Variants in SUCLA2 observed in about 807,000 individuals in gnomAD.
SUCLA2 encodes succinate--CoA ligase [ADP-forming] subunit beta, mitochondrial.
Under a neutral mutation model 54.8 loss-of-function variants are expected in SUCLA2, and 30 were observed. The observed-to-expected ratio is 0.55, with a 90% confidence interval of 0.41 to 0.74. The LOEUF is 0.74. Among genes scored for constraint, SUCLA2 ranks in the 30% least tolerant of loss-of-function variants. The pLI is 0.00. For synonymous variants in SUCLA2, 172 were observed against 188.9 expected (o/e 0.91, Z 0.74); for missense variants, 476 against 562.9 (o/e 0.85, Z 1.56).
intron 6 of SUCLA2, among the ~76,000 whole-genome samples, chr13:47,964,811 C>T (rs917452523): frequency 3.9e-5 from 6 of 152,032 alleles, no homozygotes; most frequent in South Asian, 4.2e-4. Context: ...GAGCTGAGAT[C>T]GTGCCACTGC....
intron 6 of SUCLA2, among the ~76,000 whole-genome samples, chr13:47,960,756 C>A (rs1224307121): frequency 6.6e-6 from 1 of 151,466 alleles, no homozygotes; most frequent in Non-Finnish European, 1.5e-5. Context: ...AGAAGTTTAT[C>A]AATGATGGGC....
chr13:47,985,946 G>A lies in SUCLA2; in HGVS notation c.534+2595C>T, dbSNP rs139506819. Among the ~76,000 whole-genome samples the A allele has an allele frequency of 2.2e-4, 33 of 151,290 alleles. 1 individual carries two copies. In the East Asian group the frequency reaches 6.0e-3, roughly 28 times the overall value. On this transcript the variant is annotated intron_variant, in intron 4 of 10. Coordinates refer to ENST00000646932, the MANE Select transcript of SUCLA2 (RefSeq NM_003850.3). ...ATAGCCACCTGAGTGGCATGAGATG[G>A]TATCTCATTGTGGTTTTGATTTGCT...
At position 47,957,729 on chromosome 13, in the gene SUCLA2, T is replaced by C. The variant is rs139080408; in HGVS notation, c.803-3172A>G. On this transcript the variant is annotated intron_variant, in intron 6 of 10. Coordinates refer to ENST00000646932, the MANE Select transcript of SUCLA2 (RefSeq NM_003850.3). ...CAGTAAGAACATTCTTGGAGGTTTT[T>C]CTGTAATTGCGTGTTGTGTCCGGGC... Among the ~76,000 whole-genome samples, 71 of 152,284 alleles carry C rather than the reference T, an allele frequency of 4.7e-4. 1 individual carries two copies. In the East Asian group the frequency reaches 0.013, roughly 27 times the overall value.
rs761272891 is a variant in SUCLA2 at position 47,996,970 on chromosome 13, T to C, written c.144A>G (p.Gln48=). 1.9e-6 allele frequency: 3 copies of C among 1,614,144 alleles called. No homozygotes were observed. In the South Asian group the frequency reaches 3.3e-5, roughly 18 times the overall value. The part of the protein sequence containing the change: ...FNNHGLQVQQ[Q]QQRNLSLHEY... ...CATGTAGTGAGAGATTCCTTTGCTGTTGCTGCTGTACTTGGAGTCCATGGT... is the reference window on the plus strand; with the variant it reads ...CATGTAGTGAGAGATTCCTTTGCTGCTGCTGCTGTACTTGGAGTCCATGGT... Residue 48 remains glutamine, a synonymous_variant, in exon 2 of 11, where the codon CAA becomes CAG. Coordinates refer to ENST00000646932, the MANE Select transcript of SUCLA2 (RefSeq NM_003850.3).
rs1200717178 is a variant in SUCLA2, at chr13:47,973,397, C to T, written c.535-5G>A. On this transcript the variant is annotated splice_region_variant and splice_polypyrimidine_tract_variant and intron_variant, in intron 4 of 10. Coordinates refer to ENST00000646932, the MANE Select transcript of SUCLA2 (RefSeq NM_003850.3). ...ACTTCCTATTAATACAGGACCCTGG[C>T]AAGGGAAGTAAACAACCAAAACTCT... 6.2e-7 allele frequency: 1 copy of T among 1,612,800 alleles called. No individual in the cohort carries two copies. The highest frequency in any genetic ancestry group is 1.3e-5 in the African/African-American group (1 of 74,998).
chr13:47,977,467 TA>T (rs1950024792), intron 4 of SUCLA2, among the ~76,000 whole-genome samples: 1 of 151,550 alleles, frequency 6.6e-6, no homozygotes, highest in South Asian at 2.1e-4. Flanking sequence ...AATCAGAAGG[TA>T]TTAAAAGAAA....
intron 2 of SUCLA2, among the ~76,000 whole-genome samples, chr13:47,995,503 A>G (rs1037297921): frequency 6.6e-6 from 1 of 152,206 alleles, no homozygotes; most frequent in Non-Finnish European, 1.5e-5. Context: ...CATAGCTTAT[A>G]TGACAGTTTT....
At chr13:47,972,041 A>G (rs1219008064) in intron 5 of SUCLA2, 5 of 390,400 alleles carry the variant, frequency 1.3e-5, no homozygotes, top group Admixed American at 4.5e-5. Context: ...ACCTGATGTC[A>G]GGAGTTCAAG....
intron 4 of SUCLA2, among the ~76,000 whole-genome samples, chr13:47,985,566 C>T (rs1252989177): frequency 1.3e-5 from 2 of 152,190 alleles, no homozygotes; most frequent in South Asian, 2.1e-4. Flanking sequence ...AGGACATAAT[C>T]TCATTCCTTT....
chr13:47,953,754 T>G (rs1424247950), intron 8 of SUCLA2, among the ~76,000 whole-genome samples: 1 of 152,066 alleles, frequency 6.6e-6, no homozygotes, highest in Non-Finnish European at 1.5e-5. Flanking sequence ...CAGAGATTAT[T>G]ATCTTTTTTG....
chr13:47,951,989 TAAAA>T (rs11404279), intron 8 of SUCLA2, among the ~76,000 whole-genome samples: 3 of 131,044 alleles, frequency 2.3e-5, no homozygotes, highest in Admixed American at 7.6e-5. Context: ...CATGCCTTTG[TAAAA>T]AAAAAAAAAA....
chr13:47,996,286 G>A (rs1040894076), intron 2 of SUCLA2, among the ~76,000 whole-genome samples: 1 of 144,792 alleles, frequency 6.9e-6, no homozygotes, highest in Non-Finnish European at 1.5e-5. Context: ...TTGCACCATT[G>A]CACTCCAACC....
chr13:47,956,127 T>C (rs1949819264), intron 6 of SUCLA2, among the ~76,000 whole-genome samples: 1 of 152,114 alleles, frequency 6.6e-6, no homozygotes. Context: ...AAATTTAGAA[T>C]AATCAGAAGA....
At chr13:47,944,339 T>A (rs560672200) in intron 10 of SUCLA2, among the ~76,000 whole-genome samples, 1 of 152,300 alleles carries the variant, frequency 6.6e-6, no homozygotes, top group South Asian at 2.1e-4. Flanking sequence ...CATTCAATAT[T>A]ATTATTGTTA....
chr13:47,989,147 C>T (rs1950130220), intron 2 of SUCLA2, among the ~76,000 whole-genome samples, 166 bp from the exon 3 acceptor site: 1 of 151,864 alleles, frequency 6.6e-6, no homozygotes, highest in Non-Finnish European at 1.5e-5. Context: ...TAGATTAGAA[C>T]ACTAAAATAA....
intron 6 of SUCLA2, among the ~76,000 whole-genome samples, chr13:47,958,783 T>C (rs183299152): frequency 6.6e-6 from 1 of 152,334 alleles, no homozygotes; most frequent in East Asian, 1.9e-4. Flanking sequence ...AGTGAATGAC[T>C]GATATTCATA....
rs1300486540 is a variant in SUCLA2, at chr13:47,943,766, G to GTGTATATATATATATATATA, written c.1318-322_1318-321insTATATATATATATATATACA. ...TGTATGTGTGTGTGTGTGTGTGTGT[G>GTGTATATATATATATATATA]TATATATATATATATTATTCTAAAT... is the stretch of plus-strand genomic sequence containing the variant. On this transcript the variant is annotated intron_variant, in intron 10 of 10. Transcript: ENST00000646932. 3.2e-3 allele frequency among the ~76,000 whole-genome samples: 440 copies of GTGTATATATATATATATATA among 139,606 alleles called. 2 individuals are homozygous for GTGTATATATATATATATATA. The highest frequency in any genetic ancestry group is 8.7e-3 in the East Asian group (40 of 4,604). The allele number at this position is 139,606 out of a possible 152,430, so 91.6% of individuals were successfully genotyped here.
chr13:47,952,041 T>C (rs574117899), intron 8 of SUCLA2, among the ~76,000 whole-genome samples: 10 of 150,752 alleles, frequency 6.6e-5, no homozygotes, highest in African/African-American at 2.4e-4. Context: ...TGGATATCTC[T>C]ATTCCCTCAA....
At chr13:47,999,435 C>T (rs545339840) in intron 1 of SUCLA2, among the ~76,000 whole-genome samples, 28 of 152,216 alleles carry the variant, frequency 1.8e-4, no homozygotes, top group Admixed American at 9.8e-4. Flanking sequence ...AGGCCGGGTG[C>T]GGTGGCTCAA....
Sources: gnomAD v4.1 joint callset for allele counts (sites outside exome capture counted in the v4.1 genomes callset) on GRCh38, gnomAD v4.1.1 for gene constraint, MANE v1.5 for transcripts, NCBI Gene and HGNC (gene_info 2026-07-23, HGNC 2026-07-21) for gene names.